Variants in IARS1 observed in about 807,000 individuals in gnomAD.
The protein encoded by IARS1 is isoleucine--tRNA ligase, cytoplasmic.
In IARS1, 124 loss-of-function variants were observed where a neutral mutation model predicts 168.2. That is an observed-to-expected ratio of 0.74 (90% confidence interval 0.64 to 0.86). IARS1 has a LOEUF of 0.86. Ranked by LOEUF, IARS1 falls within the 40% of genes least tolerant of loss-of-function variation. The pLI is 0.00. For synonymous variants in IARS1, 532 were observed against 529.4 expected, an observed-to-expected ratio of 1.00 and a Z score of -0.07; for missense variants, 1,452 against 1,515.8, an observed-to-expected ratio of 0.96 and a Z score of 0.70.
rs554414895 is a variant in IARS1 at position 92,214,929 on chromosome 9, G to A, written c.3707-4040C>T. On this transcript the variant is annotated intron_variant, in intron 33 of 33. Coordinates refer to ENST00000443024, the MANE Select transcript of IARS1 (RefSeq NM_002161.6). Reference sequence around the variant, plus strand: ...TTGGGTGGAGCCCACCACAGCTCAAGGAGGCCTGCATGCCTCTGTAGGCTC... The same window carrying A: ...TTGGGTGGAGCCCACCACAGCTCAAAGAGGCCTGCATGCCTCTGTAGGCTC... 3.8e-3 allele frequency among the ~76,000 whole-genome samples: 582 copies of A among 152,370 alleles called. 4 individuals carry two copies. Among genetic ancestry groups the A allele is most frequent in the African/African-American group, 0.013 (550 of 41,592 alleles).
chr9:92,248,960 G>A (rs1829633006), intron 25 of IARS1, among the ~76,000 whole-genome samples: 1 of 152,132 alleles, frequency 6.6e-6, no homozygotes, highest in Admixed American at 6.5e-5. Context: ...AAAATGTTTA[G>A]GAAGACAACT....
chr9:92,216,034 T>G (rs1301211333), intron 33 of IARS1, among the ~76,000 whole-genome samples: 1 of 151,328 alleles, frequency 6.6e-6, no homozygotes, highest in African/African-American at 2.4e-5. Flanking sequence ...AAGGTCGGGT[T>G]ACCCACAAAG....
intron 13 of IARS1, among the ~76,000 whole-genome samples, chr9:92,269,011 C>A (rs558611206): frequency 6.6e-6 from 1 of 152,204 alleles, no homozygotes; most frequent in South Asian, 2.1e-4. Context: ...AGTTACTGCC[C>A]TGTACTTCAA....
At chr9:92,264,786 G>A in intron 16 of IARS1, 143 bp downstream of exon 16, 1 of 676,120 alleles carries the variant, frequency 1.5e-6, no homozygotes, top group Non-Finnish European at 2.5e-6. Flanking sequence ...CTTGGTGGTG[G>A]AGGGGAGAGG....
At chr9:92,239,843 T>A (rs928896768) in intron 30 of IARS1, among the ~76,000 whole-genome samples, 1 of 151,990 alleles carries the variant, frequency 6.6e-6, no homozygotes, top group Non-Finnish European at 1.5e-5. Flanking sequence ...CTAATGTGGG[T>A]GGTGGTGGGG....
chr9:92,242,111 T>C (rs1828507413), intron 29 of IARS1, 43 bp downstream of exon 29: 1 of 1,502,530 alleles, frequency 6.7e-7, no homozygotes, highest in Non-Finnish European at 9.2e-7. Context: ...TCAAACCTAA[T>C]CTGAAACCCT....
intron 17 of IARS1, among the ~76,000 whole-genome samples, chr9:92,260,777 G>A (rs775891290): frequency 2.6e-5 from 4 of 152,214 alleles, no homozygotes; most frequent in Non-Finnish European, 5.9e-5. Flanking sequence ...GAAGAAAGAT[G>A]TGTCAGAATA....
At chr9:92,232,695 T>C (rs569791924) in intron 30 of IARS1, among the ~76,000 whole-genome samples, 146 of 152,304 alleles carry the variant, frequency 9.6e-4, no homozygotes, top group African/African-American at 3.3e-3. Flanking sequence ...GCCTTAATAA[T>C]ACCAGCACTT....
Position 92,251,797 on chromosome 9 carries a change from A to C in IARS1, c.2307+11T>G. 1 of 1,609,928 alleles carries C rather than the reference A, an allele frequency of 6.2e-7. No homozygotes were observed. The highest frequency in any genetic ancestry group is 1.7e-5 in the Admixed American group (1 of 60,000). ...GGCCAAAGGGTACTAGAAAGAAGCC[A>C]ATCATCTTACCATAAGTCTGCAAAG... On this transcript the variant is annotated intron_variant, in intron 22 of 33. Coordinates refer to ENST00000443024, the MANE Select transcript of IARS1 (RefSeq NM_002161.6).
chr9:92,258,753 C>G (rs768823283), intron 19 of IARS1, 101 bp downstream of exon 19: 1 of 1,234,838 alleles, frequency 8.1e-7, no homozygotes, highest in Admixed American at 2.9e-5. Context: ...CAGCAGAGAA[C>G]AGCAGCCCTA....
intron 31 of IARS1, among the ~76,000 whole-genome samples, chr9:92,228,452 C>G (rs1219521857): frequency 6.6e-6 from 1 of 152,060 alleles, no homozygotes; most frequent in Non-Finnish European, 1.5e-5. Flanking sequence ...TAGCTCACAC[C>G]TGGAATCTCG....
chr9:92,287,125 A>AT (rs1317549483), intron 4 of IARS1, among the ~76,000 whole-genome samples: 1 of 152,250 alleles, frequency 6.6e-6, no homozygotes, highest in African/African-American at 2.4e-5. Flanking sequence ...TGAGAAGGGC[A>AT]TAGCATCACT....
intron 1 of IARS1, chr9:92,293,361 G>A (rs1362521976): frequency 1.0e-5 from 4 of 394,168 alleles, no homozygotes; most frequent in African/African-American, 4.3e-5. Context: ...AATACGTATT[G>A]CCTATACATA....
At chr9:92,268,342 G>C (rs1175593710) in intron 13 of IARS1, 42 bp from the exon 14 acceptor site, 1 of 1,592,206 alleles carries the variant, frequency 6.3e-7, no homozygotes, top group East Asian at 2.3e-5. Flanking sequence ...TAAAAATATG[G>C]AAAAATTCAA....
At chr9:92,252,852 GCT>G (rs1341487979) in intron 21 of IARS1, among the ~76,000 whole-genome samples, 1 of 139,534 alleles carries the variant, frequency 7.2e-6, no homozygotes, top group South Asian at 2.3e-4. Flanking sequence ...AAGAGACCTC[GCT>G]CTCTCTATTA....
chr9:92,241,037 G>A (rs762976612), intron 29 of IARS1, 76 bp from the exon 30 acceptor site: 1 of 789,496 alleles, frequency 1.3e-6, no homozygotes, highest in Non-Finnish European at 2.3e-6. Flanking sequence ...GTAACACAGT[G>A]ACTTCTCAGT....
intron 27 of IARS1, 72 bp downstream of exon 27, chr9:92,244,887 C>G: frequency 8.2e-7 from 1 of 1,222,880 alleles, no homozygotes; most frequent in South Asian, 1.3e-5. Flanking sequence ...TCAGGAAAGG[C>G]ACAGGCAAAT....
At chr9:92,252,172 C>A (rs1390590046) in intron 21 of IARS1, among the ~76,000 whole-genome samples, 1 of 152,032 alleles carries the variant, frequency 6.6e-6, no homozygotes, top group Non-Finnish European at 1.5e-5. Context: ...AACTGTAGGA[C>A]CCGAAGGCTG....
rs759845433 is a variant in IARS1, at chr9:92,210,761, G to A, written c.*46C>T. 9.4e-7 allele frequency: 1 copy of A among 1,067,852 alleles called. No individual in the cohort carries two copies. Among genetic ancestry groups the A allele is most frequent in the Non-Finnish European group, 1.5e-6 (1 of 681,618 alleles). The allele number at this position is 1,067,852 out of a possible 1,614,324, so 66.1% of individuals were successfully genotyped here. ...TATGTGCATGTATGTGTAGGGGATA[G>A]GTGTAATTAGGGAAGGGCTGACCGA... On this transcript the variant is annotated 3_prime_UTR_variant, in exon 34 of 34. Transcript: ENST00000443024.
Sources: gnomAD v4.1 joint callset for allele counts (sites outside exome capture counted in the v4.1 genomes callset) on GRCh38, gnomAD v4.1.1 for gene constraint, MANE v1.5 for transcripts, NCBI Gene and HGNC (gene_info 2026-07-23, HGNC 2026-07-21) for gene names.